ADAMTS19: variants seen among roughly 807,000 people sequenced by gnomAD.
ADAMTS19 encodes the protein ADAM metallopeptidase with thrombospondin type 1 motif 19, also known as A disintegrin and metalloproteinase with thrombospondin motifs 19.
A neutral mutation model predicts 153.3 loss-of-function variants in ADAMTS19; 93 were observed. The observed-to-expected ratio is 0.61, with a 90% CI of 0.51 to 0.72. The LOEUF is 0.72. ADAMTS19 is among the 30% of genes least tolerant of loss of function. The pLI is 0.00. For synonymous variants in ADAMTS19, 600 were observed against 556.6 expected (o/e 1.08, Z -1.10); for missense variants, 1,482 against 1,552.1 (o/e 0.95, Z 0.76).
intron 7 of ADAMTS19, among the ~76,000 whole-genome samples, chr5:129,576,898 G>A (rs555898010): frequency 6.6e-6 from 1 of 152,200 alleles, no homozygotes; most frequent in East Asian, 1.9e-4. Flanking sequence ...CTACTAGCTT[G>A]TACTGCTGAA....
At chr5:129,696,849 C>A (rs1755580359) in intron 19 of ADAMTS19, among the ~76,000 whole-genome samples, 1 of 152,008 alleles carries the variant, frequency 6.6e-6, no homozygotes, top group Admixed American at 6.6e-5. Flanking sequence ...GTTGTAGAGA[C>A]CAAGGTTCAT....
chr5:129,684,071 A>G (rs759027543), intron 17 of ADAMTS19, 49 bp from the exon 18 acceptor site: 40 of 1,543,372 alleles, frequency 2.6e-5, no homozygotes, highest in Non-Finnish European at 3.5e-5. Flanking sequence ...TTTACATTGC[A>G]CGTGCTCTAG....
chr5:129,658,358 A>G (rs966272263), intron 14 of ADAMTS19, among the ~76,000 whole-genome samples: 1 of 150,038 alleles, frequency 6.7e-6, no homozygotes, highest in Non-Finnish European at 1.5e-5. Context: ...AGAAAGAAAG[A>G]AAGAAAGAAA....
At chr5:129,596,463 C>T (rs1254528867) in intron 7 of ADAMTS19, 96 bp from the exon 8 acceptor site, 16 of 821,086 alleles carry the variant, frequency 1.9e-5, no homozygotes, top group Middle Eastern at 3.7e-4. Flanking sequence ...ACATTTTAGT[C>T]GTGACAACTG....
chr5:129,733,256 T>C (rs975499732), intron 21 of ADAMTS19, among the ~76,000 whole-genome samples: 1 of 151,914 alleles, frequency 6.6e-6, no homozygotes, highest in Non-Finnish European at 1.5e-5. Context: ...GCAAGGAATG[T>C]ATGAGTAAGA....
Position 129,460,408 on chromosome 5 carries a change from A to T in ADAMTS19, c.17A>T (p.Glu6Val). The T allele has an allele frequency of 6.2e-7, 1 of 1,614,010 alleles. No homozygotes were observed. Among genetic ancestry groups the T allele is most frequent in the Non-Finnish European group, 8.5e-7 (1 of 1,180,010 alleles). ...GAGCGCAGTATGGGGAAGAACCGCG[A>T]GATGCGCCTGACTCACATCTGCTGC... is the stretch of plus-strand genomic sequence containing the variant. MGKNREMRLTHICCCC... is the reference protein window; with the variant it reads MGKNRVMRLTHICCCC... The change falls in exon 1 of 23, where the codon GAG (glutamate) becomes GTG (valine). Residue 6 changes from glutamate to valine, a missense_variant. Around this residue, in one of 2 missense-constraint regions of ADAMTS19, gnomAD observed 866 missense variants for 827.7 expected, o/e 1.05. Transcript: ENST00000274487.
intron 7 of ADAMTS19, 29 bp downstream of exon 7, chr5:129,551,936 A>T: frequency 6.7e-7 from 1 of 1,495,718 alleles, no homozygotes; most frequent in Non-Finnish European, 9.0e-7. Context: ...ACACTTTTGG[A>T]GTTCTGGAGA....
rs549431388 is a variant in ADAMTS19 at position 129,668,671 on chromosome 5, A to T, written c.2506+3092A>T. Among the ~76,000 whole-genome samples the T allele has an allele frequency of 9.9e-5, 15 of 152,208 alleles. No homozygotes were observed. The South Asian group carries it at 3.1e-3, about 32-fold the overall frequency. On this transcript the variant is annotated intron_variant, in intron 16 of 22. Coordinates refer to ENST00000274487, the MANE Select transcript of ADAMTS19 (RefSeq NM_133638.6). The stretch of plus-strand genomic sequence containing the variant: ...ATATAAATTATGGGGGGGGACACAA[A>T]TATTCAGACCATTGCAGTAGCATTC...
chr5:129,535,854 G>C (rs1165550268), intron 6 of ADAMTS19, among the ~76,000 whole-genome samples: 1 of 152,140 alleles, frequency 6.6e-6, no homozygotes, highest in East Asian at 1.9e-4. Context: ...AAACTGGCTA[G>C]CCATATGTAG....
chr5:129,606,982 AT>A (rs1313718416), intron 8 of ADAMTS19, among the ~76,000 whole-genome samples: 5 of 152,116 alleles, frequency 3.3e-5, no homozygotes, highest in African/African-American at 9.7e-5. Flanking sequence ...CAGTGGCACC[AT>A]GTCAGCTCAC....
chr5:129,573,443 T>C (rs1753981965), intron 7 of ADAMTS19, among the ~76,000 whole-genome samples: 1 of 152,094 alleles, frequency 6.6e-6, no homozygotes. Context: ...ACTTGCATTT[T>C]ATTCATTCTG....
chr5:129,520,487 C>G (rs1751762747), intron 3 of ADAMTS19, among the ~76,000 whole-genome samples: 1 of 152,080 alleles, frequency 6.6e-6, no homozygotes, highest in Non-Finnish European at 1.5e-5. Flanking sequence ...ACACAATCTT[C>G]TTTGTGAAAC....
chr5:129,628,467 A>G (rs1281406468), intron 10 of ADAMTS19, among the ~76,000 whole-genome samples: 1 of 152,008 alleles, frequency 6.6e-6, no homozygotes, highest in Non-Finnish European at 1.5e-5. Context: ...AAGTATAAAA[A>G]AAAATTTTTA....
At chr5:129,664,600 A>G (rs138894848) in intron 15 of ADAMTS19, among the ~76,000 whole-genome samples, 1 of 152,154 alleles carries the variant, frequency 6.6e-6, no homozygotes, top group Non-Finnish European at 1.5e-5. Flanking sequence ...TCTCGGGAAG[A>G]TGAATAATTA....
chr5:129,481,240 G>A (rs937947917), intron 2 of ADAMTS19, among the ~76,000 whole-genome samples: 18 of 152,156 alleles, frequency 1.2e-4, no homozygotes, highest in African/African-American at 4.3e-4. Context: ...CAAGGTGGCA[G>A]GAGAGAGAGA....
Position 129,725,393 on chromosome 5 carries a change from C to T in ADAMTS19, c.3313-9539C>T, listed in dbSNP as rs567379223. 9.9e-5 allele frequency among the ~76,000 whole-genome samples: 15 copies of T among 152,136 alleles called. No homozygotes were observed. In the East Asian group the frequency reaches 1.6e-3, roughly 16 times the overall value. ...GGCTCACACTTGGGAGGGGAGCATGCGCAGTGTGTTTACTGGAGTTGCATG... is the reference window on the plus strand; with the variant it reads ...GGCTCACACTTGGGAGGGGAGCATGTGCAGTGTGTTTACTGGAGTTGCATG... On this transcript the variant is annotated intron_variant, in intron 21 of 22. Transcript: ENST00000274487.
intron 15 of ADAMTS19, among the ~76,000 whole-genome samples, chr5:129,665,117 T>A (rs1476077428): frequency 1.3e-5 from 2 of 152,100 alleles, no homozygotes; most frequent in Non-Finnish European, 1.5e-5. Flanking sequence ...TTCCCCACAC[T>A]TTCTAACCTA....
At chr5:129,496,171 G>T (rs1750923618) in intron 2 of ADAMTS19, among the ~76,000 whole-genome samples, 1 of 151,992 alleles carries the variant, frequency 6.6e-6, no homozygotes, top group Non-Finnish European at 1.5e-5. Context: ...AATGGGAATT[G>T]GGGAGAATTA....
chr5:129,614,562 A>G (rs1229110392), intron 8 of ADAMTS19, among the ~76,000 whole-genome samples: 1 of 152,144 alleles, frequency 6.6e-6, no homozygotes, highest in East Asian at 1.9e-4. Flanking sequence ...ATTTATGACA[A>G]ACCCACAGCC....
Sources: allele counts gnomAD v4.1 joint callset (sites outside exome capture counted in the v4.1 genomes callset), GRCh38; gene constraint gnomAD v4.1.1; regional missense constraint gnomAD v4.1.1; transcripts MANE v1.5; gene names NCBI Gene and HGNC (gene_info 2026-07-23, HGNC 2026-07-21).